The following MBP variants were observed in gnomAD, a reference collection of about 807,000 sequenced individuals.
MBP encodes Golli-MBP.
Under a neutral mutation model 35.8 loss-of-function variants are expected in MBP, and 16 were observed. The observed-to-expected ratio is 0.45, with a 90% CI of 0.30 to 0.68. MBP has a LOEUF of 0.68. Among genes scored for constraint, MBP ranks in the 30% least tolerant of loss-of-function variants. The probability of loss-of-function intolerance (pLI) is 0.08; values close to 1 mark genes in which losing one functional copy is unlikely to be tolerated. For synonymous variants in MBP, 143 were observed against 159.6 expected, an observed-to-expected ratio of 0.90 and a Z score of 0.78; for missense variants, 380 against 404.7, an observed-to-expected ratio of 0.94 and a Z score of 0.52.
intron 4 of MBP, chr18:77,003,944 T>C (rs1267835294): frequency 6.6e-6 from 1 of 152,016 alleles, no homozygotes; most frequent in Non-Finnish European, 1.5e-5. Context: ...GCAGACCCCC[T>C]GCAAACTATC....
chr18:77,106,243 C>T (rs1465719057), intron 1 of MBP, among the ~76,000 whole-genome samples: 2 of 152,168 alleles, frequency 1.3e-5, no homozygotes, highest in African/African-American at 4.8e-5. Context: ...ATAGTAGATA[C>T]ACCCGAACAC....
chr18:77,044,953 G>T lies in MBP; in HGVS notation c.139+21345C>A, dbSNP rs1973172799. Among the ~76,000 whole-genome samples the T allele has an allele frequency of 1.6e-5, 2 of 122,638 alleles. No individual in the cohort carries two copies. Among genetic ancestry groups the T allele is most frequent in the South Asian group, 2.6e-4 (1 of 3,776 alleles). The allele number at this position is 122,638 out of a possible 152,430, so 80.5% of individuals were successfully genotyped here. A position where few individuals can be genotyped will look rare whatever the true frequency, so the allele number is the denominator to read the frequency against. ...TGTGAGAGAACATGAGTGTGTGTGT[G>T]TAAGTGTGGTGTGTGAGTGTGGAGT... On this transcript the variant is annotated intron_variant, in intron 3 of 8. Coordinates refer to ENST00000355994, the MANE Select transcript of MBP (RefSeq NM_001025101.2). The surrounding 1 kb of genome is among the most constrained non-coding windows in gnomAD (Gnocchi z 4.4).
chr18:77,092,777 G>C (rs1260760359), intron 2 of MBP, among the ~76,000 whole-genome samples: 1 of 152,074 alleles, frequency 6.6e-6, no homozygotes, highest in Non-Finnish European at 1.5e-5. Context: ...ACCCCTCGGA[G>C]AAGCAGGCTC....
Position 77,037,605 on chromosome 18 carries a change from C to T in MBP, c.140-20337G>A, listed in dbSNP as rs1046036252. Among the ~76,000 whole-genome samples, 32 of 152,366 alleles carry T rather than the reference C, an allele frequency of 2.1e-4. No homozygotes were observed. The Middle Eastern group carries it at 0.01, about 49-fold the overall frequency. The stretch of plus-strand genomic sequence containing the variant: ...ATGAATCCAGAGTGGAGAGTTCCAA[C>T]TTCCAAGCTGACCAGTTTTGTGACT... On this transcript the variant is annotated intron_variant, in intron 3 of 8. Coordinates refer to ENST00000355994, the MANE Select transcript of MBP (RefSeq NM_001025101.2).
chr18:77,131,823 CGGG>C lies in MBP; in HGVS notation c.-26+754_-26+756del, dbSNP rs1977283086. ...GCAGTGGGGCCCAGGAGGGGACTGC[CGGG>C]AAGACCCGGGCGGGCCGGCGGGCGG... On this transcript the variant is annotated intron_variant, in intron 1 of 8. Coordinates refer to ENST00000355994, the MANE Select transcript of MBP (RefSeq NM_001025101.2). This position sits in a 1 kb window ranked among gnomAD's most constrained non-coding sequence, Gnocchi z 5.5. 2 of 152,802 alleles carry C rather than the reference CGGG, an allele frequency of 1.3e-5. No individual in the cohort carries two copies. The highest frequency in any genetic ancestry group is 2.9e-5 in the Non-Finnish European group (2 of 68,620). 9.5% of individuals were successfully genotyped at this position (152,802 alleles called of 1,614,324 possible).
intron 4 of MBP, chr18:77,010,033 G>C (rs1485590340): frequency 1.4e-6 from 1 of 723,280 alleles, no homozygotes; most frequent in Non-Finnish European, 2.4e-6. Context: ...CAAGAGCCCA[G>C]AGTGAGGAGG....
chr18:76,990,985 G>A, intron 4 of MBP: 1 of 231,520 alleles, frequency 4.3e-6, no homozygotes, highest in South Asian at 3.6e-5. Flanking sequence ...GATAGGGTCA[G>A]GTTGGGCAAA....
intron 2 of MBP, among the ~76,000 whole-genome samples, chr18:77,099,217 C>CG (rs1215617556): frequency 7.9e-5 from 12 of 152,176 alleles, no homozygotes; most frequent in Admixed American, 5.9e-4. Context: ...GTACACTATA[C>CG]GGGGGGTCTC....
intron 4 of MBP, among the ~76,000 whole-genome samples, chr18:76,992,028 T>C (rs1213163382): frequency 1.3e-5 from 2 of 152,188 alleles, no homozygotes; most frequent in African/African-American, 4.8e-5. Flanking sequence ...AGCACCGACA[T>C]TGTTCACCTC....
At chr18:77,117,128 G>A (rs993242056) in intron 1 of MBP, among the ~76,000 whole-genome samples, 2 of 152,144 alleles carry the variant, frequency 1.3e-5, no homozygotes, top group Non-Finnish European at 1.5e-5. Flanking sequence ...TCAAAATATA[G>A]TAACAACTCC....
chr18:77,021,595 TGC>T (rs1043844197), intron 3 of MBP, among the ~76,000 whole-genome samples: 1 of 151,192 alleles, frequency 6.6e-6, no homozygotes, highest in African/African-American at 2.4e-5. Flanking sequence ...GCCATTCTCC[TGC>T]GTCAGCCTCC....
chr18:77,067,924 G>A (rs768889553), intron 2 of MBP: 2 of 459,406 alleles, frequency 4.4e-6, no homozygotes, highest in Non-Finnish European at 8.8e-6. Flanking sequence ...GTTTGTTCCT[G>A]GAGAGAAGTC....
At chr18:77,000,277 A>G (rs1348625102) in intron 4 of MBP, among the ~76,000 whole-genome samples, 1 of 152,250 alleles carries the variant, frequency 6.6e-6, no homozygotes, top group East Asian at 1.9e-4. Flanking sequence ...GCACATTGTT[A>G]GATCTGGCTT....
intron 8 of MBP, chr18:76,980,845 G>C (rs1969152555): frequency 9.5e-6 from 2 of 211,012 alleles, no homozygotes; most frequent in Non-Finnish European, 1.9e-5. Context: ...CAGCCGAGGG[G>C]AACTGCCAGC....
intron 4 of MBP, chr18:77,016,016 C>G: frequency 1.0e-6 from 1 of 985,442 alleles, no homozygotes; most frequent in Non-Finnish European, 1.2e-6. Flanking sequence ...ACCAAACACT[C>G]TAAACATCAC....
chr18:77,032,409 T>TG (rs552871050), intron 3 of MBP, among the ~76,000 whole-genome samples: 1 of 152,210 alleles, frequency 6.6e-6, no homozygotes, highest in Admixed American at 6.5e-5. Context: ...CTCACACCAA[T>TG]GCCTCCTTTG....
chr18:77,009,890 AG>A (rs1971242198), intron 4 of MBP: 6 of 1,595,992 alleles, frequency 3.8e-6, no homozygotes, highest in Non-Finnish European at 5.1e-6. Context: ...CGGGCATGAG[AG>A]GGCAGAGGGC....
intron 3 of MBP, among the ~76,000 whole-genome samples, chr18:77,050,704 C>A (rs1231644123): frequency 6.6e-6 from 1 of 152,166 alleles, no homozygotes; most frequent in Non-Finnish European, 1.5e-5. Flanking sequence ...TGCCATCACG[C>A]CCAGCTAATT....
chr18:77,131,880 G>C lies in MBP; in HGVS notation c.-26+700C>G, dbSNP rs1977286691. 6.6e-6 allele frequency among the ~76,000 whole-genome samples: 1 copy of C among 152,072 alleles called. No individual in the cohort carries two copies. Among genetic ancestry groups the C allele is most frequent in the Non-Finnish European group, 1.5e-5 (1 of 67,980 alleles). ...CGGGCGGCGCACGTGGGCCCAGGTG[G>C]GCGCAGCGACGGGCCCGGCCGAAGA... On this transcript the variant is annotated intron_variant, in intron 1 of 8. Transcript: ENST00000355994. The surrounding 1 kb of genome is among the most constrained non-coding windows in gnomAD (Gnocchi z 5.5).
Sources: gnomAD v4.1 joint callset for allele counts (sites outside exome capture counted in the v4.1 genomes callset) on GRCh38, gnomAD v4.1.1 for gene constraint, Gnocchi (gnomAD v3.1) non-coding constraint, MANE v1.5 for transcripts, NCBI Gene and HGNC (gene_info 2026-07-23, HGNC 2026-07-21) for gene names.